The following VPS13B variants were observed in gnomAD, a reference collection of about 807,000 sequenced individuals.
VPS13B encodes intermembrane lipid transfer protein VPS13B.
A neutral mutation model predicts 426.4 loss-of-function variants in VPS13B; 285 were observed. The ratio of observed to expected loss-of-function variants is 0.67; its 90% confidence interval spans 0.61 to 0.74. VPS13B has a LOEUF of 0.74. Among genes scored for constraint, VPS13B ranks in the 30% least tolerant of loss-of-function variants. The pLI, the probability that VPS13B is intolerant of heterozygous loss-of-function variation, is 0.00. For synonymous variants in VPS13B, 1,676 were observed against 1,676.4 expected (o/e 1.00, Z 0.01); for missense variants, 4,537 against 4,782.6 (o/e 0.95, Z 1.51).
chr8:99,466,510 T>C (rs931124398), intron 23 of VPS13B, among the ~76,000 whole-genome samples: 8 of 152,248 alleles, frequency 5.3e-5, no homozygotes, highest in African/African-American at 1.9e-4. Flanking sequence ...TTTTAAGAGT[T>C]CAAAAATTAC....
intron 54 of VPS13B, among the ~76,000 whole-genome samples, chr8:99,844,690 CACTA>C (rs1563504335): frequency 6.6e-6 from 1 of 152,088 alleles, no homozygotes; most frequent in Non-Finnish European, 1.5e-5. Flanking sequence ...TTTATAAGGA[CACTA>C]ATTGCATCCC....
intron 8 of VPS13B, among the ~76,000 whole-genome samples, chr8:99,122,782 A>T (rs911972750): frequency 5.9e-5 from 9 of 152,142 alleles, no homozygotes; most frequent in African/African-American, 2.2e-4. Context: ...CAAATAACAT[A>T]TATATTGTGT....
intron 17 of VPS13B, among the ~76,000 whole-genome samples, chr8:99,247,835 A>G (rs1817304999): frequency 6.6e-6 from 1 of 152,158 alleles, no homozygotes; most frequent in Non-Finnish European, 1.5e-5. Context: ...GGGGCAGGGA[A>G]AAAAATAAGG....
intron 36 of VPS13B, among the ~76,000 whole-genome samples, chr8:99,711,036 G>A (rs946981522): frequency 6.6e-5 from 10 of 151,930 alleles, no homozygotes; most frequent in Non-Finnish European, 1.5e-4. Context: ...AAGATTAAAA[G>A]CACTTAACTA....
At chr8:99,586,114 G>A (rs912457283) in intron 33 of VPS13B, among the ~76,000 whole-genome samples, 13 of 152,146 alleles carry the variant, frequency 8.5e-5, no homozygotes, top group African/African-American at 1.7e-4. Context: ...TGACAGAAAC[G>A]GGAGAGGGTA....
At chr8:99,564,541 G>A (rs1391919540) in intron 31 of VPS13B, among the ~76,000 whole-genome samples, 4 of 152,168 alleles carry the variant, frequency 2.6e-5, no homozygotes, top group African/African-American at 9.7e-5. Context: ...TCAAGAGTCA[G>A]GAAGAAGAAG....
intron 61 of VPS13B, among the ~76,000 whole-genome samples, chr8:99,872,765 AG>A (rs749045299): frequency 1.3e-5 from 2 of 152,150 alleles, no homozygotes; most frequent in Non-Finnish European, 2.9e-5. Flanking sequence ...TACCTCCAAT[AG>A]GTTCTGCCTG....
chr8:99,313,835 C>T (rs1005839038), intron 19 of VPS13B, among the ~76,000 whole-genome samples: 2 of 152,106 alleles, frequency 1.3e-5, no homozygotes, highest in African/African-American at 4.8e-5. Flanking sequence ...GCTTCCTGGC[C>T]GCTTTGTTTA....
intron 33 of VPS13B, among the ~76,000 whole-genome samples, chr8:99,631,435 C>T (rs909570599): frequency 2.4e-4 from 37 of 152,128 alleles, no homozygotes; most frequent in Admixed American, 1.0e-3. Flanking sequence ...ACTAGAGATT[C>T]CTTTAAAATT....
chr8:99,559,589 T>C (rs901322135), intron 31 of VPS13B, among the ~76,000 whole-genome samples: 15 of 152,136 alleles, frequency 9.9e-5, no homozygotes, highest in Non-Finnish European at 1.8e-4. Context: ...TTGTATAAGG[T>C]GTAAGGAAGG....
chr8:99,396,039 G>A (rs1293513226), intron 21 of VPS13B, among the ~76,000 whole-genome samples: 1 of 152,084 alleles, frequency 6.6e-6, no homozygotes, highest in Non-Finnish European at 1.5e-5. Flanking sequence ...ATGGAAACAT[G>A]CCAAAATGAA....
intron 23 of VPS13B, among the ~76,000 whole-genome samples, chr8:99,455,162 T>C (rs1818389271): frequency 1.3e-5 from 2 of 152,170 alleles, no homozygotes; most frequent in Admixed American, 1.3e-4. Context: ...TGGTGTTAGG[T>C]GTAAAAAGTC....
At chr8:99,345,131 A>G (rs1226508478) in intron 19 of VPS13B, among the ~76,000 whole-genome samples, 2 of 152,130 alleles carry the variant, frequency 1.3e-5, no homozygotes, top group African/African-American at 2.4e-5. Flanking sequence ...TTAACCTACA[A>G]AGCCATCATT....
chr8:99,216,275 G>GTTA (rs1211820566), intron 17 of VPS13B, among the ~76,000 whole-genome samples: 12 of 152,016 alleles, frequency 7.9e-5, no homozygotes, highest in Non-Finnish European at 1.2e-4. Context: ...CTTTTACTGT[G>GTTA]TTATTCACTT....
chr8:99,041,853 C>CAAAA (rs766715821), intron 3 of VPS13B, among the ~76,000 whole-genome samples: 152 of 68,976 alleles, frequency 2.2e-3, no homozygotes, highest in African/African-American at 7.9e-3. Flanking sequence ...ACTCTGTCTC[C>CAAAA]AAAAAAAAAA....
At chr8:99,804,958 C>G (rs1477001155) in intron 43 of VPS13B, among the ~76,000 whole-genome samples, 1 of 151,954 alleles carries the variant, frequency 6.6e-6, no homozygotes, top group Non-Finnish European at 1.5e-5. Context: ...TATGATGACA[C>G]CACTGCACTC....
Position 99,121,805 on chromosome 8 carries a change from C to T in VPS13B, c.1206+360C>T, listed in dbSNP as rs1216067263. The T allele has an allele frequency of 2.3e-5, 4 of 174,960 alleles. No homozygotes were observed. In the East Asian group the frequency reaches 4.5e-4, roughly 20 times the overall value. 10.8% of individuals were successfully genotyped at this position (174,960 alleles called of 1,614,324 possible). On this transcript the variant is annotated intron_variant, in intron 8 of 61. Coordinates refer to ENST00000357162, the MANE Select transcript of VPS13B (RefSeq NM_152564.5). Reference sequence around the variant, plus strand: ...TTACCTGTCAGGTACGGTTTCCTTTCTGTGCTCTCCTTCGTAACAATCATA... The same window carrying T: ...TTACCTGTCAGGTACGGTTTCCTTTTTGTGCTCTCCTTCGTAACAATCATA...
At chr8:99,257,548 G>A (rs1332774719) in intron 17 of VPS13B, among the ~76,000 whole-genome samples, 1 of 118,768 alleles carries the variant, frequency 8.4e-6, no homozygotes, top group Non-Finnish European at 1.8e-5. Flanking sequence ...ACGTGCATGT[G>A]AGTGCATGTG....
At chr8:99,498,384 C>T (rs1313179259) in intron 25 of VPS13B, among the ~76,000 whole-genome samples, 1 of 151,712 alleles carries the variant, frequency 6.6e-6, no homozygotes, top group Non-Finnish European at 1.5e-5. Context: ...TTTAAGAAAA[C>T]ACATTCTAGG....
Sources: allele counts gnomAD v4.1 joint callset (sites outside exome capture counted in the v4.1 genomes callset), GRCh38; gene constraint gnomAD v4.1.1; transcripts MANE v1.5; gene names NCBI Gene and HGNC (gene_info 2026-07-23, HGNC 2026-07-21).